The following ST6GALNAC5 variants were observed in gnomAD, a reference collection of about 807,000 sequenced individuals.
The protein encoded by ST6GALNAC5 is alpha-N-acetylgalactosaminide alpha-2,6-sialyltransferase 5.
A neutral mutation model predicts 33.6 loss-of-function variants in ST6GALNAC5; 27 were observed. That is an observed-to-expected ratio of 0.80 (90% CI 0.59 to 1.11). The LOEUF is 1.11. Among genes scored for constraint, ST6GALNAC5 ranks in the 50% least tolerant of loss-of-function variants. The pLI, the probability that ST6GALNAC5 is intolerant of heterozygous loss-of-function variation, is 0.00. For synonymous variants in ST6GALNAC5, 194 were observed against 171.2 expected (o/e 1.13, Z -1.04); for missense variants, 428 against 454.0 (o/e 0.94, Z 0.52).
At position 76,907,306 on chromosome 1, in the gene ST6GALNAC5, C is replaced by G. The variant is rs190171115; in HGVS notation, c.261+38564C>G. The stretch of plus-strand genomic sequence containing the variant: ...TCTGATCTTGACCCTGCTTACTACT[C>G]TCGCTGATGTGAAGCCTCCTGTTCC... On this transcript the variant is annotated intron_variant, in intron 2 of 4. Transcript: ENST00000477717. Among the ~76,000 whole-genome samples the G allele has an allele frequency of 2.0e-5, 3 of 152,096 alleles. No homozygotes were observed. In the East Asian group the frequency reaches 5.8e-4, roughly 29 times the overall value.
chr1:77,044,358 C>G lies in ST6GALNAC5; in HGVS notation c.416C>G (p.Thr139Ser). 1 of 1,613,966 alleles carries G rather than the reference C, an allele frequency of 6.2e-7. No individual in the cohort carries two copies. Among genetic ancestry groups the G allele is most frequent in the Non-Finnish European group, 8.5e-7 (1 of 1,180,040 alleles). ...TATGGGCGTGACGTGGGCAATCGCA[C>G]CAGCCTGAGGGTCATCGCGCATTCC... is the stretch of plus-strand genomic sequence containing the variant. Reference protein sequence around the residue: ...RGYGRDVGNRTSLRVIAHSSI... With the variant: ...RGYGRDVGNRSSLRVIAHSSI... Residue 139 changes from threonine (T) to serine (S), a missense_variant, in exon 3 of 5, where the codon ACC becomes AGC. Thr to Ser is a moderately conservative substitution (Grantham distance 58, BLOSUM62 1). Transcript: ENST00000477717.
Position 76,915,707 on chromosome 1 carries a change from G to C in ST6GALNAC5, c.261+46965G>C, listed in dbSNP as rs145670250. Among the ~76,000 whole-genome samples the C allele has an allele frequency of 6.1e-5, 9 of 147,214 alleles. No homozygotes were observed. The South Asian group carries it at 6.8e-4, about 11-fold the overall frequency. On this transcript the variant is annotated intron_variant, in intron 2 of 4. Coordinates refer to ENST00000477717, the MANE Select transcript of ST6GALNAC5 (RefSeq NM_030965.3). Reference sequence around the variant, plus strand: ...GGGGACTGTTGTGGGGTGAGGGGAGGGGGGAGGGATAGCATTAGGAGATAT... The same window carrying C: ...GGGGACTGTTGTGGGGTGAGGGGAGCGGGGAGGGATAGCATTAGGAGATAT...
At chr1:77,048,029 A>G (rs1216167635) in intron 3 of ST6GALNAC5, among the ~76,000 whole-genome samples, 1 of 152,220 alleles carries the variant, frequency 6.6e-6, no homozygotes, top group Non-Finnish European at 1.5e-5. Flanking sequence ...TGACCCCAGA[A>G]GGCTGTTATT....
chr1:77,007,827 G>A (rs1650485985), intron 2 of ST6GALNAC5, among the ~76,000 whole-genome samples: 1 of 152,194 alleles, frequency 6.6e-6, no homozygotes, highest in African/African-American at 2.4e-5. Context: ...AAGACTGATG[G>A]ATTCGCTTCT....
chr1:76,895,829 G>A (rs1401151619), intron 2 of ST6GALNAC5, among the ~76,000 whole-genome samples: 3 of 152,170 alleles, frequency 2.0e-5, no homozygotes, highest in Admixed American at 2.0e-4. Flanking sequence ...TCTGGCGTCT[G>A]GAATGAGACT....
rs1363894462 is a variant in ST6GALNAC5 at position 76,868,845 on chromosome 1, G to C, written c.261+103G>C. 1.2e-5 allele frequency: 17 copies of C among 1,419,954 alleles called. No homozygotes were observed. The Admixed American group carries it at 4.6e-4, about 38-fold the overall frequency. The allele number at this position is 1,419,954 out of a possible 1,614,324, so 88.0% of individuals were successfully genotyped here. ...CTGGGAGGCGCTGTGAGTAGGTGCC[G>C]TTCGAAGGCTGGAGGGGAGTGGACC... On this transcript the variant is annotated intron_variant, in intron 2 of 4. Coordinates refer to ENST00000477717, the MANE Select transcript of ST6GALNAC5 (RefSeq NM_030965.3). This position sits in a 1 kb window ranked among gnomAD's most constrained non-coding sequence, Gnocchi z 4.3.
intron 2 of ST6GALNAC5, among the ~76,000 whole-genome samples, chr1:76,910,495 T>C (rs904547572): frequency 5.3e-5 from 8 of 152,066 alleles, no homozygotes; most frequent in African/African-American, 1.9e-4. Flanking sequence ...TAGACATAGA[T>C]AAGAGGTTTC....
At chr1:76,995,633 T>G (rs2100401832) in intron 2 of ST6GALNAC5, 2 of 152,146 alleles carry the variant, frequency 1.3e-5, no homozygotes, top group Middle Eastern at 6.9e-3. Context: ...ATTTGTGTGT[T>G]ATATATGTGT....
At chr1:76,923,178 G>C (rs1647050755) in intron 2 of ST6GALNAC5, among the ~76,000 whole-genome samples, 1 of 151,810 alleles carries the variant, frequency 6.6e-6, no homozygotes. Flanking sequence ...GGGGAATACT[G>C]GTAAAAGGCA....
intron 2 of ST6GALNAC5, among the ~76,000 whole-genome samples, chr1:76,984,556 A>G (rs1649400599): frequency 6.6e-6 from 1 of 152,204 alleles, no homozygotes; most frequent in African/African-American, 2.4e-5. Context: ...CCAGGACCAG[A>G]AGGATTCACA....
At chr1:76,867,801 C>T in intron 1 of ST6GALNAC5, 111 bp downstream of exon 1, 6 of 1,515,324 alleles carry the variant, frequency 4.0e-6, no homozygotes, top group Non-Finnish European at 5.5e-6. Flanking sequence ...CGCGAGGTCG[C>T]CTGTTACAAA....
intron 2 of ST6GALNAC5, among the ~76,000 whole-genome samples, chr1:76,895,871 A>G (rs977157413): frequency 6.6e-6 from 1 of 152,322 alleles, no homozygotes; most frequent in South Asian, 2.1e-4. Context: ...TCTGTACAGG[A>G]GCTCAAATGG....
At position 77,067,328 on chromosome 1, in the gene ST6GALNAC5, G is replaced by T. The variant is rs774409380; in HGVS notation, c.*4122G>T. Among the ~76,000 whole-genome samples, 3 of 152,154 alleles carry T rather than the reference G, an allele frequency of 2.0e-5. No homozygotes were observed. Among genetic ancestry groups the T allele is most frequent in the Non-Finnish European group, 4.4e-5 (3 of 68,028 alleles). On this transcript the variant is annotated 3_prime_UTR_variant, in exon 5 of 5. Transcript: ENST00000477717. Reference sequence around the variant, plus strand: ...GGGTGTTGAAATGCAAATGCAAAAAGGCTGAAACCCTGTTTCTTTCTACTC... The same window carrying T: ...GGGTGTTGAAATGCAAATGCAAAAATGCTGAAACCCTGTTTCTTTCTACTC...
At chr1:76,945,223 G>C (rs1647473151) in intron 2 of ST6GALNAC5, among the ~76,000 whole-genome samples, 1 of 152,026 alleles carries the variant, frequency 6.6e-6, no homozygotes, top group South Asian at 2.1e-4. Flanking sequence ...ACACAATTAT[G>C]GTTGCCAGTA....
intron 2 of ST6GALNAC5, among the ~76,000 whole-genome samples, chr1:76,985,379 G>A (rs928218425): frequency 6.6e-6 from 1 of 152,142 alleles, no homozygotes. Context: ...GACAAACAGA[G>A]AGCCAAATCA....
At chr1:77,003,716 G>A (rs1286092081) in intron 2 of ST6GALNAC5, among the ~76,000 whole-genome samples, 1 of 151,740 alleles carries the variant, frequency 6.6e-6, no homozygotes, top group Non-Finnish European at 1.5e-5. Context: ...GCATTTGCTT[G>A]TCTGTAAAGG....
chr1:76,875,120 A>G (rs139956761), intron 2 of ST6GALNAC5, among the ~76,000 whole-genome samples: 235 of 152,352 alleles, frequency 1.5e-3, no homozygotes, highest in African/African-American at 5.3e-3. Flanking sequence ...AAGAAGGAAG[A>G]AATACTCATG....
intron 2 of ST6GALNAC5, among the ~76,000 whole-genome samples, chr1:76,899,720 T>C (rs1008210652): frequency 1.8e-4 from 27 of 152,010 alleles, no homozygotes; most frequent in Non-Finnish European, 2.9e-4. Flanking sequence ...ATGAAAGGAA[T>C]TGAAATTAAG....
chr1:77,007,021 C>T (rs1256176907), intron 2 of ST6GALNAC5, among the ~76,000 whole-genome samples: 1 of 152,214 alleles, frequency 6.6e-6, no homozygotes, highest in Non-Finnish European at 1.5e-5. Context: ...AGAGAGCAAG[C>T]TCCAGTGCAT....
Sources: allele counts gnomAD v4.1 joint callset (sites outside exome capture counted in the v4.1 genomes callset), GRCh38; gene constraint gnomAD v4.1.1; non-coding constraint Gnocchi (gnomAD v3.1); transcripts MANE v1.5; gene names NCBI Gene and HGNC (gene_info 2026-07-23, HGNC 2026-07-21).